Variants in ZMYND12 observed in about 807,000 individuals in gnomAD.
The protein encoded by ZMYND12 is zinc finger MYND domain-containing protein 12.
Under a neutral mutation model 41.7 loss-of-function variants are expected in ZMYND12, and 32 were observed. The ratio of observed to expected loss-of-function variants is 0.77; its 90% CI spans 0.58 to 1.03. ZMYND12 has a LOEUF of 1.03. Among genes scored for constraint, ZMYND12 ranks in the 50% least tolerant of loss-of-function variants. ZMYND12 has a pLI of 0.00. For synonymous variants in ZMYND12, 148 were observed against 164.8 expected, an observed-to-expected ratio of 0.90 and a Z score of 0.78; for missense variants, 424 against 438.5, an observed-to-expected ratio of 0.97 and a Z score of 0.30.
intron 6 of ZMYND12, 96 bp from the exon 7 acceptor site, chr1:42,433,384 AGCCT>A (rs1287519620): frequency 2.2e-6 from 3 of 1,393,392 alleles, no homozygotes; most frequent in African/African-American, 3.0e-5. Flanking sequence ...GGTCTGCTGA[AGCCT>A]TCCCAAGGGC....
chr1:42,452,220 C>T (rs959406888), intron 1 of ZMYND12, among the ~76,000 whole-genome samples: 9 of 152,138 alleles, frequency 5.9e-5, no homozygotes, highest in African/African-American at 2.2e-4. Flanking sequence ...ACATATGAAG[C>T]GCAAATTTAA....
At chr1:42,444,859 CAGT>C (rs201510768) in intron 3 of ZMYND12, among the ~76,000 whole-genome samples, 25,891 of 142,336 alleles carry the variant, frequency 0.18, 2,484 homozygotes, top group African/African-American at 0.24. Context: ...GGCTGGAGTG[CAGT>C]AGTGGTGCGA....
intron 4 of ZMYND12, among the ~76,000 whole-genome samples, chr1:42,438,928 G>T (rs1424199813): frequency 6.6e-6 from 1 of 152,066 alleles, no homozygotes; most frequent in Non-Finnish European, 1.5e-5. Context: ...AATCCTAATA[G>T]AAACCCCTTA....
intron 5 of ZMYND12, among the ~76,000 whole-genome samples, chr1:42,435,723 T>A (rs1221495263): frequency 6.6e-6 from 1 of 152,218 alleles, no homozygotes; most frequent in Non-Finnish European, 1.5e-5. Flanking sequence ...CCATTTTACA[T>A]GTAAATAAAC....
At chr1:42,432,057 TTTC>T (rs1322064236) in intron 7 of ZMYND12, among the ~76,000 whole-genome samples, 43 of 88,118 alleles carry the variant, frequency 4.9e-4, no homozygotes, top group Admixed American at 4.6e-3. Context: ...TCTTTTTCTT[TTTC>T]TTTTTTTTTT....
chr1:42,433,833 C>G (rs757710037), intron 6 of ZMYND12, among the ~76,000 whole-genome samples: 20 of 152,172 alleles, frequency 1.3e-4, no homozygotes, highest in Non-Finnish European at 2.1e-4. Context: ...CTTTAGTCAT[C>G]ATTTACTGAG....
intron 4 of ZMYND12, among the ~76,000 whole-genome samples, chr1:42,437,629 C>T (rs1642922207): frequency 6.6e-6 from 1 of 150,892 alleles, no homozygotes; most frequent in Admixed American, 6.6e-5. Context: ...TCTTTTGCCT[C>T]AGCCTTCCGA....
intron 3 of ZMYND12, among the ~76,000 whole-genome samples, chr1:42,447,822 A>G (rs1643039708): frequency 6.6e-6 from 1 of 152,170 alleles, no homozygotes; most frequent in South Asian, 2.1e-4. Flanking sequence ...GGTATCTGCT[A>G]AGTCTGCTCT....
chr1:42,444,519 C>A (rs1415065511), intron 3 of ZMYND12, among the ~76,000 whole-genome samples: 2 of 152,210 alleles, frequency 1.3e-5, no homozygotes, highest in African/African-American at 4.8e-5. Context: ...GGTCATTACA[C>A]TCGAACTCAT....
At chr1:42,447,675 G>A (rs1425887394) in intron 3 of ZMYND12, among the ~76,000 whole-genome samples, 1 of 152,130 alleles carries the variant, frequency 6.6e-6, no homozygotes, top group Non-Finnish European at 1.5e-5. Context: ...AGAGAACTCA[G>A]GGGATAAAAG....
intron 1 of ZMYND12, among the ~76,000 whole-genome samples, chr1:42,452,824 AAAATAAATGTATTC>A (rs1490322727): frequency 1.8e-4 from 28 of 152,256 alleles, no homozygotes; most frequent in Non-Finnish European, 7.3e-5. Flanking sequence ...CACAATATAT[AAAATAAATGTATTC>A]AGAGAAAAGA....
chr1:42,450,270 T>C (rs556254971), intron 1 of ZMYND12, among the ~76,000 whole-genome samples: 53 of 152,346 alleles, frequency 3.5e-4, no homozygotes, highest in African/African-American at 1.2e-3. Flanking sequence ...GAGAGTATGT[T>C]GTTTCTGCAG....
At chr1:42,436,326 C>G in intron 5 of ZMYND12, 95 bp downstream of exon 5, 1 of 1,540,534 alleles carries the variant, frequency 6.5e-7, no homozygotes, top group East Asian at 2.3e-5. Context: ...GCCTCTCTTT[C>G]TCATGAATGG....
chr1:42,430,932 A>G (rs199824736), intron 7 of ZMYND12, 74 bp from the exon 8 acceptor site: 1 of 1,583,616 alleles, frequency 6.3e-7, no homozygotes, highest in Non-Finnish European at 8.6e-7. Flanking sequence ...ATCTGTGCTC[A>G]ACTCCAGAAA....
intron 3 of ZMYND12, among the ~76,000 whole-genome samples, chr1:42,445,192 G>A (rs1395795214): frequency 3.3e-5 from 5 of 151,546 alleles, no homozygotes; most frequent in African/African-American, 1.2e-4. Context: ...CAGCACTTTG[G>A]AAGACTGAGG....
At chr1:42,450,346 T>TA (rs1557771356) in intron 1 of ZMYND12, among the ~76,000 whole-genome samples, 1 of 152,222 alleles carries the variant, frequency 6.6e-6, no homozygotes. Context: ...TGTTCTCTTA[T>TA]AATCTCTTTT....
chr1:42,436,912 C>G (rs1291094540), intron 4 of ZMYND12, among the ~76,000 whole-genome samples: 1 of 152,030 alleles, frequency 6.6e-6, no homozygotes, highest in African/African-American at 2.4e-5. Context: ...TTGGTAGTTC[C>G]TTAAAAAGTT....
chr1:42,450,975 A>G (rs970415498), intron 1 of ZMYND12, among the ~76,000 whole-genome samples: 1 of 152,198 alleles, frequency 6.6e-6, no homozygotes, highest in Non-Finnish European at 1.5e-5. Flanking sequence ...AAATTTATTG[A>G]GATTTATTTT....
chr1:42,433,105 C>T, intron 7 of ZMYND12, 38 bp downstream of exon 7: 2 of 1,601,450 alleles, frequency 1.2e-6, no homozygotes, highest in Non-Finnish European at 1.7e-6. Flanking sequence ...GAATTTCTAC[C>T]TTCATTTTAG....
Sources: allele counts gnomAD v4.1 joint callset (sites outside exome capture counted in the v4.1 genomes callset), GRCh38; gene constraint gnomAD v4.1.1; transcripts MANE v1.5; gene names NCBI Gene and HGNC (gene_info 2026-07-23, HGNC 2026-07-21).